FXN: variants seen among roughly 807,000 people sequenced by gnomAD.
FXN encodes frataxin, mitochondrial.
A neutral mutation model predicts 22.4 loss-of-function variants in FXN; 14 were observed. That is an observed-to-expected ratio of 0.62 (90% CI 0.41 to 0.98). FXN has a LOEUF of 0.98. Ranked by LOEUF, FXN falls within the 50% of genes least tolerant of loss-of-function variation. The pLI is 0.00. For synonymous variants in FXN, 120 were observed against 114.1 expected, an observed-to-expected ratio of 1.05 and a Z score of -0.33; for missense variants, 267 against 268.4, an observed-to-expected ratio of 0.99 and a Z score of 0.04.
rs766673048 is a variant in FXN, at chr9:69,072,773, C to T, written c.*11C>T. The T allele has an allele frequency of 3.1e-6, 5 of 1,614,080 alleles. No homozygotes were observed. Among genetic ancestry groups the T allele is most frequent in the African/African-American group, 1.3e-5 (1 of 75,022 alleles). On this transcript the variant is annotated 3_prime_UTR_variant, in exon 5 of 5. Coordinates refer to ENST00000484259, the MANE Select transcript of FXN (RefSeq NM_000144.5). ...GGAAAAGATGCTTGATGCCCAGCCC[C>T]GTTTTAAGGACATTAAAAGCTATCA... is the stretch of plus-strand genomic sequence containing the variant.
chr9:69,053,006 A>AT, intron 2 of FXN, 134 bp from the exon 3 acceptor site: 11 of 995,840 alleles, frequency 1.1e-5, no homozygotes, highest in Non-Finnish European at 1.5e-5. Flanking sequence ...AAAAAAAAAA[A>AT]GAAAGAAAAA....
At chr9:69,049,002 C>G (rs967262446) in intron 2 of FXN, among the ~76,000 whole-genome samples, 1 of 152,196 alleles carries the variant, frequency 6.6e-6, no homozygotes, top group Non-Finnish European at 1.5e-5. Context: ...GCATTCCTCC[C>G]CCAGCAGACT....
chr9:69,051,856 G>A (rs959501138), intron 2 of FXN, among the ~76,000 whole-genome samples: 5 of 152,112 alleles, frequency 3.3e-5, no homozygotes, highest in Non-Finnish European at 7.4e-5. Flanking sequence ...GTTTTTTGGG[G>A]TTTTCTTTGA....
At position 69,074,367 on chromosome 9, in the gene FXN, T is replaced by C; in HGVS notation, c.*1605T>C. 4 of 985,246 alleles carry C rather than the reference T, an allele frequency of 4.1e-6. No individual in the cohort carries two copies. Among genetic ancestry groups the C allele is most frequent in the Non-Finnish European group, 4.8e-6 (4 of 829,854 alleles). 61.0% of individuals were successfully genotyped at this position (985,246 alleles called of 1,614,324 possible). On this transcript the variant is annotated 3_prime_UTR_variant, in exon 5 of 5. Coordinates refer to ENST00000484259, the MANE Select transcript of FXN (RefSeq NM_000144.5). ...TGCTCATGTTATATTATTTTCTTAC[T>C]TAAAGAAGGATTTATTAGTGGCTGG...
In FXN at chr9:69,072,673, C is replaced by T. The variant is rs139616452; in HGVS notation, c.544C>T (p.Leu182Phe). The part of the protein sequence containing the change: ...NWVYSHDGVS[L>F]HELLAAELTK... ...GGTGTACTCCCACGACGGCGTGTCC[C>T]TCCATGAGCTGCTGGCCGCAGAGCT... The change falls in exon 5 of 5, where the codon CTC becomes TTC. Residue 182 changes from leucine (L) to phenylalanine (F), a missense_variant. Leu to Phe is a conservative substitution (Grantham distance 22). Coordinates refer to ENST00000484259, the MANE Select transcript of FXN (RefSeq NM_000144.5). 2 of 1,614,190 alleles carry T rather than the reference C, an allele frequency of 1.2e-6. No homozygotes were observed. Among genetic ancestry groups the T allele is most frequent in the Non-Finnish European group, 1.7e-6 (2 of 1,180,036 alleles).
intron 3 of FXN, among the ~76,000 whole-genome samples, chr9:69,055,322 T>A (rs1831936113): frequency 1.3e-5 from 2 of 152,164 alleles, no homozygotes; most frequent in African/African-American, 4.8e-5. Flanking sequence ...AGTTGCAGGC[T>A]AAACTCTGCC....
intron 4 of FXN, 53 bp from the exon 5 acceptor site, chr9:69,072,559 T>C: frequency 6.2e-7 from 1 of 1,612,558 alleles, no homozygotes; most frequent in Non-Finnish European, 8.5e-7. Context: ...GAATCAGTGG[T>C]TCATCTGAAG....
intron 3 of FXN, 84 bp downstream of exon 3, chr9:69,053,344 C>A: frequency 6.7e-7 from 1 of 1,489,056 alleles, no homozygotes; most frequent in Non-Finnish European, 9.3e-7. Context: ...TCCAGCAGAG[C>A]TAAGCATCAA....
chr9:69,055,106 G>T (rs1024417617), intron 3 of FXN, among the ~76,000 whole-genome samples: 28 of 152,332 alleles, frequency 1.8e-4, no homozygotes, highest in Non-Finnish European at 3.7e-4. Context: ...AGTAGATTCA[G>T]TAATTGCTGT....
In FXN at chr9:69,073,837, C is replaced by A. The variant is rs1006952953; in HGVS notation, c.*1075C>A. Reference sequence around the variant, plus strand: ...AACAGTTTTTAAGCTATATAGGAAACATTGTTATTGGTGTTGCCCTATCGT... The same window carrying A: ...AACAGTTTTTAAGCTATATAGGAAAAATTGTTATTGGTGTTGCCCTATCGT... On this transcript the variant is annotated 3_prime_UTR_variant, in exon 5 of 5. Transcript: ENST00000484259. The A allele has an allele frequency of 5.1e-6, 5 of 985,236 alleles. No individual in the cohort carries two copies. The African/African-American group carries it at 5.2e-5, about 10-fold the overall frequency. The allele number at this position is 985,236 out of a possible 1,614,324, so 61.0% of individuals were successfully genotyped here.
intron 2 of FXN, among the ~76,000 whole-genome samples, chr9:69,052,704 G>A (rs1429707938): frequency 3.3e-5 from 5 of 151,672 alleles, no homozygotes; most frequent in Admixed American, 1.3e-4. Context: ...CACCACGCCC[G>A]GCTAATTTTT....
At chr9:69,046,647 A>T (rs1472919515) in intron 2 of FXN, among the ~76,000 whole-genome samples, 165 bp downstream of exon 2, 1 of 152,176 alleles carries the variant, frequency 6.6e-6, no homozygotes, top group Non-Finnish European at 1.5e-5. Flanking sequence ...GATTGCATGG[A>T]TGTGACATAA....
At chr9:69,062,808 A>G (rs564986677) in intron 3 of FXN, among the ~76,000 whole-genome samples, 89 of 152,250 alleles carry the variant, frequency 5.8e-4, no homozygotes, top group African/African-American at 2.0e-3. Context: ...GCTGCCCAGC[A>G]GTGTGAATAT....
At chr9:69,036,552 A>G (rs758438250) in intron 1 of FXN, among the ~76,000 whole-genome samples, 1 of 152,202 alleles carries the variant, frequency 6.6e-6, no homozygotes, top group Non-Finnish European at 1.5e-5. Context: ...TTTATTCCAG[A>G]TTCTGCCCCA....
At chr9:69,053,408 TTGCAGTGAGCCAAAATCA>T (rs1392045227) in intron 3 of FXN, 148 bp downstream of exon 3, 1 of 978,376 alleles carries the variant, frequency 1.0e-6, no homozygotes, top group Non-Finnish European at 1.6e-6. Flanking sequence ...GAGGTGAAGG[TTGCAGTGAGCCAAAATCA>T]CGCCACTGCA....
Position 69,035,832 on chromosome 9 carries a change from G to T in FXN, c.50G>T (p.Ser17Ile). The change falls in exon 1 of 5, where the codon AGC becomes ATC. Residue 17 changes from serine to isoleucine, a missense_variant. Ser to Ile is a moderately radical substitution (Grantham distance 142, BLOSUM62 -2). Coordinates refer to ENST00000484259, the MANE Select transcript of FXN (RefSeq NM_000144.5). ...GTAGCCGGCCTCCTGGCGTCACCCA[G>T]CCCAGCCCAGGCCCAGACCCTCACC... is the stretch of plus-strand genomic sequence containing the variant. ...RAVAGLLASPSPAQAQTLTRV... is the reference protein window; with the variant it reads ...RAVAGLLASPIPAQAQTLTRV... 5 of 1,513,248 alleles carry T rather than the reference G, an allele frequency of 3.3e-6. No individual in the cohort carries two copies. Among genetic ancestry groups the T allele is most frequent in the Non-Finnish European group, 4.4e-6 (5 of 1,137,640 alleles). The allele number at this position is 1,513,248 out of a possible 1,614,324, so 93.7% of individuals were successfully genotyped here.
intron 3 of FXN, among the ~76,000 whole-genome samples, chr9:69,063,434 G>A (rs1832110665): frequency 6.6e-6 from 1 of 152,090 alleles, no homozygotes. Context: ...TAGTCAAGTT[G>A]GAAACAATTT....
chr9:69,072,622 C>T lies in FXN; in HGVS notation c.493C>T (p.Arg165Cys), dbSNP rs138034837. Residue 165 changes from arginine (R) to cysteine (C), a missense_variant, in exon 5 of 5, where the codon CGT (arginine) becomes TGT (cysteine). By Grantham distance (180) the Arg-to-Cys change is radical. Transcript: ENST00000484259. The stretch of plus-strand genomic sequence containing the variant: ...TGTTTTGTCTTCCAGTGGACCTAAG[C>T]GTTATGACTGGACTGGGAAAAACTG... Reference protein sequence around the residue: ...WLSSPSSGPKRYDWTGKNWVY... With the variant: ...WLSSPSSGPKCYDWTGKNWVY... 1 of 1,614,078 alleles carries T rather than the reference C, an allele frequency of 6.2e-7. No individual in the cohort carries two copies. The highest frequency in any genetic ancestry group is 8.5e-7 in the Non-Finnish European group (1 of 1,180,008).
chr9:69,053,409 T>C (rs1437209293), intron 3 of FXN, 149 bp downstream of exon 3: 9 of 925,594 alleles, frequency 9.7e-6, no homozygotes, highest in Non-Finnish European at 1.5e-5. Flanking sequence ...AGGTGAAGGT[T>C]GCAGTGAGCC....
Sources: allele counts gnomAD v4.1 joint callset (sites outside exome capture counted in the v4.1 genomes callset), GRCh38; gene constraint gnomAD v4.1.1; transcripts MANE v1.5; gene names NCBI Gene and HGNC (gene_info 2026-07-23, HGNC 2026-07-21).